The following PKP4 variants were observed in gnomAD, a reference collection of about 807,000 sequenced individuals.
The protein encoded by PKP4 is plakophilin 4, also known as plakophilin-4.
PKP4 carries 90 observed loss-of-function variants against 145.1 expected under a neutral mutation model. The ratio of observed to expected loss-of-function variants is 0.62; its 90% CI spans 0.52 to 0.74. The LOEUF is 0.74. Ranked by LOEUF, PKP4 falls within the 30% of genes least tolerant of loss-of-function variation. The pLI is 0.00. For missense variants in PKP4, 1,340 were observed against 1,482.7 expected (o/e 0.90, Z 1.58); for synonymous variants, 563 against 577.2 (o/e 0.98, Z 0.35).
intron 11 of PKP4, among the ~76,000 whole-genome samples, chr2:158,645,568 C>T (rs1337554270): frequency 6.6e-6 from 1 of 152,176 alleles, no homozygotes; most frequent in Non-Finnish European, 1.5e-5. Flanking sequence ...TGCAGTCCAT[C>T]GTGTGCGCTA....
rs190877043 is a variant in PKP4 at position 158,463,774 on chromosome 2, T to C, written c.-6+6556T>C. 2.8e-3 allele frequency among the ~76,000 whole-genome samples: 430 copies of C among 152,302 alleles called. 4 individuals are homozygous for C. The highest frequency in any genetic ancestry group is 0.01 in the African/African-American group (417 of 41,576). On this transcript the variant is annotated intron_variant, in intron 1 of 21. Coordinates refer to ENST00000389759, the MANE Select transcript of PKP4 (RefSeq NM_003628.6). ...CAAGGATTTATGACAATTTACCCTC[T>C]GGGATAAGGAGGGAAAATTGAAGTT...
chr2:158,640,649 G>T lies in PKP4; in HGVS notation c.1585G>T (p.Glu529Ter). ...TAGGGAGTTTGCCTGGCGTGATCCT[G>T]AGTTGCCTGAGGTCATTCACATGCT... ...DPREFAWRDPELPEVIHMLQH... is the reference protein window; with the variant it reads ...DPREFAWRDP The change falls in exon 10 of 22, where the codon GAG becomes TAG. Residue 529 changes from glutamate (E) to a stop codon, truncating the protein, a stop_gained. Transcript: ENST00000389759. LOFTEE classifies it high-confidence loss of function. The T allele has an allele frequency of 1.2e-6, 2 of 1,613,640 alleles. No homozygotes were observed. Among genetic ancestry groups the T allele is most frequent in the South Asian group, 1.1e-5 (1 of 91,052 alleles).
chr2:158,664,857 A>T (rs1044882615), intron 15 of PKP4, among the ~76,000 whole-genome samples: 1 of 152,172 alleles, frequency 6.6e-6, no homozygotes, highest in Non-Finnish European at 1.5e-5. Context: ...TTAGTGAGAT[A>T]CTCCCAGCAC....
intron 2 of PKP4, among the ~76,000 whole-genome samples, chr2:158,538,640 A>G (rs952469438): frequency 6.6e-6 from 1 of 151,112 alleles, no homozygotes; most frequent in African/African-American, 2.4e-5. Context: ...TCTGGGTTCA[A>G]GCAACTCTTC....
rs557159107 is a variant in PKP4 at position 158,515,021 on chromosome 2, A to G, written c.-5-18159A>G. On this transcript the variant is annotated intron_variant, in intron 1 of 21. Coordinates refer to ENST00000389759, the MANE Select transcript of PKP4 (RefSeq NM_003628.6). ...GAGACTTTAAACATGTATAAAATCA[A>G]TTTTTCTGATGTTATAATTCAAAAC... Among the ~76,000 whole-genome samples the G allele has an allele frequency of 7.2e-5, 11 of 152,332 alleles. No homozygotes were observed. In the East Asian group the frequency reaches 1.5e-3, roughly 21 times the overall value.
At chr2:158,497,851 T>C (rs1355983052) in intron 1 of PKP4, among the ~76,000 whole-genome samples, 2 of 152,238 alleles carry the variant, frequency 1.3e-5, no homozygotes, top group Admixed American at 6.5e-5. Flanking sequence ...TCAAATATCA[T>C]TGTAACTTTA....
At position 158,673,356 on chromosome 2, in the gene PKP4, CA is replaced by C. The variant is rs1260122583; in HGVS notation, c.2925-320del. ...ATGAATCCCAAAGCCCCAGTGAGAT[CA>C]GTGGCCCTCAGTAAAGATTCGGAGG... On this transcript the variant is annotated intron_variant, in intron 17 of 21. Transcript: ENST00000389759. 2.0e-5 allele frequency among the ~76,000 whole-genome samples: 3 copies of C among 152,226 alleles called. No homozygotes were observed. The East Asian group carries it at 5.8e-4, about 29-fold the overall frequency.
intron 1 of PKP4, among the ~76,000 whole-genome samples, chr2:158,481,217 C>A (rs976929127): frequency 7.9e-5 from 12 of 152,176 alleles, no homozygotes; most frequent in Non-Finnish European, 4.4e-5. Context: ...AGCCACCACA[C>A]CTGGCCTCAT....
At chr2:158,509,972 G>A (rs1574184736) in intron 1 of PKP4, among the ~76,000 whole-genome samples, 1 of 150,172 alleles carries the variant, frequency 6.7e-6, no homozygotes, top group South Asian at 2.1e-4. Flanking sequence ...AGAAATACCA[G>A]TGTGACCACA....
At chr2:158,652,623 G>C (rs909830499) in intron 11 of PKP4, among the ~76,000 whole-genome samples, 2 of 152,196 alleles carry the variant, frequency 1.3e-5, no homozygotes, top group African/African-American at 4.8e-5. Context: ...CTGCAGCCCT[G>C]ATATTATTAT....
intron 1 of PKP4, among the ~76,000 whole-genome samples, chr2:158,477,537 TA>T (rs1692674677): frequency 6.6e-6 from 1 of 152,220 alleles, no homozygotes; most frequent in Non-Finnish European, 1.5e-5. Context: ...TATGGCCTGA[TA>T]CCTCAGGAAG....
At chr2:158,591,773 A>C (rs1004993621) in intron 3 of PKP4, among the ~76,000 whole-genome samples, 1 of 152,108 alleles carries the variant, frequency 6.6e-6, no homozygotes, top group Non-Finnish European at 1.5e-5. Context: ...ATAAATTTAC[A>C]TAATATGTTC....
At chr2:158,619,598 AT>A (rs2051998102) in intron 4 of PKP4, among the ~76,000 whole-genome samples, 1 of 152,198 alleles carries the variant, frequency 6.6e-6, no homozygotes, top group Non-Finnish European at 1.5e-5. Flanking sequence ...TTTGCTTTAC[AT>A]AGCCAAACTT....
In PKP4 at chr2:158,631,844, TGAGGGGAGGACCTATTACA is replaced by T; in HGVS notation, c.1247_1265del (p.Glu416AlafsTer27). ...CCGACTTGCACATTACTCCTATATA[TGAGGGGAGGACCTATTACA>T]GCCCAGTGTACCGCAGCCCAAACCA... On this transcript the variant is annotated frameshift_variant, in exon 8 of 22. Coordinates refer to ENST00000389759, the MANE Select transcript of PKP4 (RefSeq NM_003628.6). LOFTEE classifies it high-confidence loss of function. 1.9e-6 allele frequency: 3 copies of T among 1,614,122 alleles called. No homozygotes were observed. Among genetic ancestry groups the T allele is most frequent in the Non-Finnish European group, 2.5e-6 (3 of 1,179,982 alleles).
intron 9 of PKP4, 146 bp downstream of exon 9, chr2:158,634,435 T>G: frequency 1.7e-6 from 1 of 597,298 alleles, no homozygotes. Flanking sequence ...TCCAGTTGTA[T>G]TCCAGCTATA....
intron 2 of PKP4, among the ~76,000 whole-genome samples, chr2:158,550,102 A>T (rs1272537631): frequency 8.7e-6 from 1 of 115,582 alleles, no homozygotes; most frequent in Non-Finnish European, 2.3e-5. Context: ...GGTTACATTT[A>T]TAGATCTCTC....
At chr2:158,560,229 A>G (rs1209132761) in intron 2 of PKP4, among the ~76,000 whole-genome samples, 1 of 152,154 alleles carries the variant, frequency 6.6e-6, no homozygotes, top group Non-Finnish European at 1.5e-5. Context: ...TTAATTTTGT[A>G]AGGGTTGTAA....
rs1354187046 is a variant in PKP4, at chr2:158,661,416, A to C, written c.2177A>C (p.His726Pro). 6.2e-7 allele frequency: 1 copy of C among 1,613,276 alleles called. No homozygotes were observed. The highest frequency in any genetic ancestry group is 8.5e-7 in the Non-Finnish European group (1 of 1,179,404). ...GLVDSLLYVIHTCVNTSDYDS... is the reference protein window; with the variant it reads ...GLVDSLLYVIPTCVNTSDYDS... ...GTAGACTCACTGTTGTATGTGATCCACACGTGTGTGAACACATCCGATTAC... is the reference window on the plus strand; with the variant it reads ...GTAGACTCACTGTTGTATGTGATCCCCACGTGTGTGAACACATCCGATTAC... The change falls in exon 13 of 22, where the codon CAC becomes CCC. Residue 726 changes from histidine to proline, a missense_variant. Physicochemically the swap from His to Pro is moderately conservative, Grantham distance 77 (BLOSUM62 -2). Coordinates refer to ENST00000389759, the MANE Select transcript of PKP4 (RefSeq NM_003628.6).
chr2:158,635,693 A>G (rs2053749937), intron 9 of PKP4, among the ~76,000 whole-genome samples: 1 of 152,160 alleles, frequency 6.6e-6, no homozygotes, highest in Admixed American at 6.5e-5. Context: ...TACCTCAGCT[A>G]TTCATAGTGT....
Sources: allele counts gnomAD v4.1 joint callset (sites outside exome capture counted in the v4.1 genomes callset), GRCh38; gene constraint gnomAD v4.1.1; transcripts MANE v1.5; gene names NCBI Gene and HGNC (gene_info 2026-07-23, HGNC 2026-07-21).